The following AK4 variants were observed in gnomAD, a reference collection of about 807,000 sequenced individuals.
AK4 encodes the protein adenylate kinase 4, mitochondrial.
AK4 carries 13 observed loss-of-function variants against 24.6 expected under a neutral mutation model. The observed-to-expected ratio is 0.53, with a 90% CI of 0.34 to 0.84. The LOEUF (loss-of-function observed/expected upper bound fraction) is 0.84. Ranked by LOEUF, AK4 falls within the 40% of genes least tolerant of loss-of-function variation. The pLI, the probability that AK4 is intolerant of heterozygous loss-of-function variation, is 0.01. For synonymous variants in AK4, 88 were observed against 107.0 expected (o/e 0.82, Z 1.10); for missense variants, 192 against 288.2 (o/e 0.67, Z 2.42).
chr1:65,209,881 C>T (rs1192876046), intron 2 of AK4, among the ~76,000 whole-genome samples: 1 of 152,038 alleles, frequency 6.6e-6, no homozygotes, highest in Non-Finnish European at 1.5e-5. Flanking sequence ...GAACATGGCT[C>T]ACTGCAGCCT....
At chr1:65,181,147 G>T (rs1650890268) in intron 1 of AK4, among the ~76,000 whole-genome samples, 1 of 150,314 alleles carries the variant, frequency 6.7e-6, no homozygotes, top group South Asian at 2.1e-4. Flanking sequence ...GGATACAGAT[G>T]TGTGGGTGTG....
intron 1 of AK4, among the ~76,000 whole-genome samples, chr1:65,175,982 A>G (rs1291484288): frequency 6.6e-6 from 1 of 152,206 alleles, no homozygotes; most frequent in Non-Finnish European, 1.5e-5. Flanking sequence ...CCAAGAAAAT[A>G]CACTTGACAT....
chr1:65,220,309 G>A (rs150809043), intron 3 of AK4, among the ~76,000 whole-genome samples: 339 of 152,254 alleles, frequency 2.2e-3, no homozygotes, highest in African/African-American at 7.7e-3. Context: ...CTGGCAAATT[G>A]TCTTCCAAAC....
At chr1:65,174,618 G>A (rs1650650752) in intron 1 of AK4, among the ~76,000 whole-genome samples, 1 of 152,176 alleles carries the variant, frequency 6.6e-6, no homozygotes, top group Admixed American at 6.5e-5. Flanking sequence ...AGTTCACAAG[G>A]GGAAAGGGGA....
At chr1:65,203,569 C>T (rs561386962) in intron 2 of AK4, among the ~76,000 whole-genome samples, 7 of 152,138 alleles carry the variant, frequency 4.6e-5, no homozygotes, top group African/African-American at 9.6e-5. Context: ...TTTTGGAGGA[C>T]GAGGTGGGTG....
intron 1 of AK4, among the ~76,000 whole-genome samples, chr1:65,180,320 C>T (rs542419857): frequency 5.1e-4 from 77 of 152,242 alleles, no homozygotes; most frequent in African/African-American, 1.8e-3. Flanking sequence ...TGGTGGCATG[C>T]ACCTGTGTTC....
intron 2 of AK4, among the ~76,000 whole-genome samples, chr1:65,194,419 A>C (rs190214395): frequency 6.6e-4 from 101 of 152,114 alleles, no homozygotes; most frequent in Middle Eastern, 3.4e-3. Context: ...ATCAGAATGG[A>C]CTTTACTGTC....
chr1:65,173,667 G>A (rs978912951), intron 1 of AK4, among the ~76,000 whole-genome samples: 30 of 152,148 alleles, frequency 2.0e-4, no homozygotes, highest in African/African-American at 7.0e-4. Flanking sequence ...AGGAGTTCGA[G>A]CCTGGGCGGC....
chr1:65,178,011 A>G (rs1650774607), intron 1 of AK4, among the ~76,000 whole-genome samples: 1 of 152,118 alleles, frequency 6.6e-6, no homozygotes, highest in Non-Finnish European at 1.5e-5. Flanking sequence ...AATTGCCTGA[A>G]AGTCATGACC....
chr1:65,196,212 T>G (rs891863336), intron 2 of AK4, among the ~76,000 whole-genome samples: 5 of 152,092 alleles, frequency 3.3e-5, no homozygotes, highest in Non-Finnish European at 5.9e-5. Context: ...TGATTGAATG[T>G]GGAAAGGTCG....
In AK4 at chr1:65,229,446, A is replaced by G. The variant is rs574976630; in HGVS notation, c.*3269A>G. 1 of 152,088 alleles carries G rather than the reference A, an allele frequency of 6.6e-6. No homozygotes were observed. The highest frequency in any genetic ancestry group is 2.1e-4 in the South Asian group (1 of 4,800). 9.4% of individuals were successfully genotyped at this position (152,088 alleles called of 1,614,324 possible). On this transcript the variant is annotated 3_prime_UTR_variant, in exon 5 of 5. Coordinates refer to ENST00000327299, the MANE Select transcript of AK4 (RefSeq NM_013410.4). ...TTACTCAGGAGACTTAGGCAGGAGG[A>G]TTGCTTGATCCTAGGAATTCGAGGC...
At chr1:65,213,559 T>C (rs1388753707) in intron 2 of AK4, among the ~76,000 whole-genome samples, 1 of 152,156 alleles carries the variant, frequency 6.6e-6, no homozygotes, top group Non-Finnish European at 1.5e-5. Flanking sequence ...TTTATTGAAT[T>C]GGGAAATGAG....
chr1:65,171,122 ATT>A (rs59764198), intron 1 of AK4, among the ~76,000 whole-genome samples: 6 of 122,930 alleles, frequency 4.9e-5, no homozygotes, highest in East Asian at 2.4e-4. Context: ...TGCTTGGCTA[ATT>A]TTTTTTTTTT....
chr1:65,180,411 G>A (rs918001246), intron 1 of AK4, among the ~76,000 whole-genome samples: 1 of 152,054 alleles, frequency 6.6e-6, no homozygotes, highest in Non-Finnish European at 1.5e-5. Flanking sequence ...CTGTATTTTT[G>A]GTATGAAGGA....
intron 2 of AK4, among the ~76,000 whole-genome samples, chr1:65,200,103 TTTTTGTTTTGTTTTG>T (rs10676984): frequency 1.3e-5 from 2 of 149,684 alleles, no homozygotes; most frequent in African/African-American, 2.5e-5. Flanking sequence ...AGGTAACAGG[TTTTTGTTTTGTTTTG>T]TTTTGTTTTG....
chr1:65,155,530 CAT>C (rs1649948742), intron 1 of AK4, among the ~76,000 whole-genome samples: 1 of 151,840 alleles, frequency 6.6e-6, no homozygotes. Flanking sequence ...ATGTAGCATA[CAT>C]ATAAACTGAT....
intron 1 of AK4, among the ~76,000 whole-genome samples, chr1:65,152,669 G>T (rs1301790414): frequency 6.6e-6 from 1 of 151,808 alleles, no homozygotes; most frequent in Non-Finnish European, 1.5e-5. Flanking sequence ...AAAGTGCTGG[G>T]ATTACAGGCG....
chr1:65,202,796 T>G (rs1651700464), intron 2 of AK4, among the ~76,000 whole-genome samples: 1 of 150,846 alleles, frequency 6.6e-6, no homozygotes, highest in Non-Finnish European at 1.5e-5. Flanking sequence ...GACATTAACA[T>G]GATAGAAAAA....
intron 2 of AK4, among the ~76,000 whole-genome samples, chr1:65,212,286 G>A (rs1260194504): frequency 6.6e-6 from 1 of 151,964 alleles, no homozygotes; most frequent in Non-Finnish European, 1.5e-5. Context: ...GATAGACAGG[G>A]TAACATTTTA....
Sources: gnomAD v4.1 joint callset for allele counts (sites outside exome capture counted in the v4.1 genomes callset) on GRCh38, gnomAD v4.1.1 for gene constraint, MANE v1.5 for transcripts, NCBI Gene and HGNC (gene_info 2026-07-23, HGNC 2026-07-21) for gene names.